The following ADAMTSL1 variants were observed in gnomAD, a reference collection of about 807,000 sequenced individuals.
ADAMTSL1 encodes the protein ADAMTS-like protein 1.
In ADAMTSL1, 126 loss-of-function variants were observed where a neutral mutation model predicts 201.8. That is an observed-to-expected ratio of 0.62 (90% CI 0.54 to 0.72). The LOEUF (loss-of-function observed/expected upper bound fraction) is 0.72, where lower values mean the gene tolerates loss of function less well. Among genes scored for constraint, ADAMTSL1 ranks in the 30% least tolerant of loss-of-function variants. ADAMTSL1 has a pLI of 0.00. For synonymous variants in ADAMTSL1, 1,121 were observed against 903.4 expected (o/e 1.24, Z -4.32); for missense variants, 2,679 against 2,277.8 (o/e 1.18, Z -3.59).
chr9:18,908,074 C>T (rs977619248), intron 28 of ADAMTSL1: 7 of 271,490 alleles, frequency 2.6e-5, no homozygotes, highest in Non-Finnish European at 5.0e-5. Flanking sequence ...CCAAAACCCA[C>T]GGGAAAAGGC....
chr9:18,448,878 C>G (rs115373538), intron 2 of ADAMTSL1, among the ~76,000 whole-genome samples: 648 of 151,780 alleles, frequency 4.3e-3, no homozygotes, highest in Non-Finnish European at 6.9e-3. Flanking sequence ...TTACAAGGCT[C>G]GAATGTTTAA....
intron 19 of ADAMTSL1, among the ~76,000 whole-genome samples, chr9:18,794,390 G>T (rs2133835432): frequency 6.8e-6 from 1 of 148,016 alleles, no homozygotes; most frequent in East Asian, 2.0e-4. Flanking sequence ...GGGTGACAGA[G>T]CAAGACCCTG....
chr9:18,133,944 G>T (rs1826052636), intron 1 of ADAMTSL1, among the ~76,000 whole-genome samples: 1 of 152,118 alleles, frequency 6.6e-6, no homozygotes, highest in African/African-American at 2.4e-5. Context: ...TTATCCATTA[G>T]TGTAAAATGG....
chr9:18,383,217 G>A (rs1381429155), intron 2 of ADAMTSL1, among the ~76,000 whole-genome samples: 1 of 152,074 alleles, frequency 6.6e-6, no homozygotes, highest in Non-Finnish European at 1.5e-5. Context: ...TACAAATGTC[G>A]CAAAGTCTTC....
At chr9:18,580,614 C>T (rs1471780225) in intron 4 of ADAMTSL1, among the ~76,000 whole-genome samples, 1 of 152,150 alleles carries the variant, frequency 6.6e-6, no homozygotes, top group Non-Finnish European at 1.5e-5. Context: ...CTTGTTTATG[C>T]ATTCTTCCAA....
At chr9:18,519,008 C>T (rs547565212) in intron 2 of ADAMTSL1, among the ~76,000 whole-genome samples, 1 of 152,200 alleles carries the variant, frequency 6.6e-6, no homozygotes, top group Non-Finnish European at 1.5e-5. Context: ...CTCTCTGCCT[C>T]CTCTCCTGGT....
At chr9:18,771,885 C>T (rs765011967) in intron 17 of ADAMTSL1, among the ~76,000 whole-genome samples, 1 of 152,110 alleles carries the variant, frequency 6.6e-6, no homozygotes, top group Non-Finnish European at 1.5e-5. Context: ...TATCAACCCA[C>T]ATAGAATTCC....
chr9:18,497,536 A>G (rs1463341534), intron 1 of ADAMTSL1, among the ~76,000 whole-genome samples: 1 of 152,208 alleles, frequency 6.6e-6, no homozygotes, highest in Admixed American at 6.5e-5. Flanking sequence ...TATCAAAAAA[A>G]TGCATTATAA....
chr9:18,079,226 G>A (rs1046267825), intron 1 of ADAMTSL1, among the ~76,000 whole-genome samples: 21 of 152,024 alleles, frequency 1.4e-4, no homozygotes, highest in Admixed American at 3.3e-4. Flanking sequence ...TCTCATCCTC[G>A]TAAAGAAGGG....
intron 2 of ADAMTSL1, among the ~76,000 whole-genome samples, chr9:18,514,449 C>T (rs1482694688): frequency 6.6e-6 from 1 of 151,468 alleles, no homozygotes; most frequent in East Asian, 1.9e-4. Flanking sequence ...CCTGCCTCAG[C>T]CTCCCGAGTA....
intron 1 of ADAMTSL1, among the ~76,000 whole-genome samples, chr9:18,502,849 C>T (rs1822913421): frequency 6.6e-6 from 1 of 152,160 alleles, no homozygotes; most frequent in East Asian, 1.9e-4. Flanking sequence ...AAGCAAAAAG[C>T]CTGGTGCCTT....
At chr9:18,763,644 T>G (rs1820196600) in intron 16 of ADAMTSL1, among the ~76,000 whole-genome samples, 1 of 152,202 alleles carries the variant, frequency 6.6e-6, no homozygotes, top group South Asian at 2.1e-4. Context: ...CTTTAATTCA[T>G]TTTATTTAAT....
rs1312066591 is a variant in ADAMTSL1, at chr9:18,905,785, A to T, written c.4855A>T (p.Asn1619Tyr). The T allele has an allele frequency of 1.9e-6, 3 of 1,612,652 alleles. No homozygotes were observed. The South Asian group carries it at 3.3e-5, about 18-fold the overall frequency. ...EWAFSSWGQC[N>Y]GPCIGPHLAV... ...GTTACCTTTTTCTGCTTTCCAGTGC[A>T]ATGGGCCTTGCATCGGGCCTCACCT... is the stretch of plus-strand genomic sequence containing the variant. The change falls in exon 27 of 29, where the codon AAT (asparagine) becomes TAT (tyrosine). Residue 1619 changes from asparagine to tyrosine, a missense_variant. Transcript: ENST00000380548.
chr9:18,414,042 A>C (rs567629239), intron 2 of ADAMTSL1, among the ~76,000 whole-genome samples: 3 of 152,220 alleles, frequency 2.0e-5, no homozygotes, highest in Non-Finnish European at 4.4e-5. Flanking sequence ...GACTCAAGGC[A>C]GTGAGATGTT....
In ADAMTSL1 at chr9:17,994,090, T is replaced by TTGTGTGTGTGTGTG. The variant is rs367861504; in HGVS notation, c.87+87186_87+87199dup. ...CTCCACCTCGGCAGACAGAATCTCA[T>TTGTGTGTGTGTGTG]TGTGTGTGTGTGTGTGTGTGTGTGT... On this transcript the variant is annotated intron_variant, in intron 1 of 29. Coordinates refer to the ADAMTSL1 transcript ENST00000680146. Among the ~76,000 whole-genome samples the TTGTGTGTGTGTGTG allele has an allele frequency of 5.7e-3, 816 of 142,166 alleles. 4 individuals are homozygous for TTGTGTGTGTGTGTG. Among genetic ancestry groups the TTGTGTGTGTGTGTG allele is most frequent in the African/African-American group, 0.019 (743 of 39,152 alleles). The allele number at this position is 142,166 out of a possible 152,430, so 93.3% of individuals were successfully genotyped here. A position where few individuals can be genotyped will look rare whatever the true frequency, so the allele number is the denominator to read the frequency against.
chr9:18,652,566 C>A (rs1489934783), intron 7 of ADAMTSL1, among the ~76,000 whole-genome samples: 4 of 151,822 alleles, frequency 2.6e-5, no homozygotes, highest in Non-Finnish European at 5.9e-5. Flanking sequence ...CTTTTTTTCA[C>A]TTTTAGCACA....
chr9:18,871,804 A>G (rs558075378), intron 23 of ADAMTSL1, among the ~76,000 whole-genome samples: 4 of 152,134 alleles, frequency 2.6e-5, no homozygotes, highest in South Asian at 2.1e-4. Context: ...TTTTTTGCCA[A>G]TTTGAACTGA....
At chr9:18,723,303 A>G (rs1817660390) in intron 15 of ADAMTSL1, 2 of 570,686 alleles carry the variant, frequency 3.5e-6, no homozygotes, top group African/African-American at 1.9e-5. Flanking sequence ...CTTATTTGCC[A>G]TTATTTGAAA....
At chr9:17,976,471 C>T (rs1244202864) in intron 1 of ADAMTSL1, among the ~76,000 whole-genome samples, 1 of 151,774 alleles carries the variant, frequency 6.6e-6, no homozygotes, top group Non-Finnish European at 1.5e-5. Context: ...CTAAGTATCA[C>T]ATTCTTTTTG....
Sources: gnomAD v4.1 joint callset for allele counts (sites outside exome capture counted in the v4.1 genomes callset) on GRCh38, gnomAD v4.1.1 for gene constraint, MANE v1.5 for transcripts, NCBI Gene and HGNC (gene_info 2026-07-23, HGNC 2026-07-21) for gene names.